Variants in IHO1 observed in about 807,000 individuals in gnomAD.
IHO1 encodes interactor of HORMAD1 protein 1.
IHO1 carries 13 observed loss-of-function variants against 31.0 expected under a neutral mutation model. The ratio of observed to expected loss-of-function variants is 0.42; its 90% confidence interval spans 0.27 to 0.67. IHO1 has a LOEUF of 0.67. Ranked by LOEUF, IHO1 falls within the 30% of genes least tolerant of loss-of-function variation. The probability of loss-of-function intolerance (pLI) is 0.24; values close to 1 mark genes in which losing one functional copy is unlikely to be tolerated. For synonymous variants in IHO1, 221 were observed against 248.4 expected (o/e 0.89, Z 1.04); for missense variants, 599 against 687.5 (o/e 0.87, Z 1.44).
In IHO1 at chr3:49,213,936, G is replaced by A. The variant is rs765102430; in HGVS notation, c.56+2100G>A. The A allele has an allele frequency of 1.0e-4, 42 of 412,254 alleles. No individual in the cohort carries two copies. In the Middle Eastern group the frequency reaches 2.4e-3, roughly 24 times the overall value. The allele number at this position is 412,254 out of a possible 1,614,324, so 25.5% of individuals were successfully genotyped here. On this transcript the variant is annotated intron_variant, in intron 2 of 7. Transcript: ENST00000452691. Reference sequence around the variant, plus strand: ...CTCCTCAAGCATGGCCAGAGTGGACGCCAAGGCCAAGGAAGCTCCGAGAGC... The same window carrying A: ...CTCCTCAAGCATGGCCAGAGTGGACACCAAGGCCAAGGAAGCTCCGAGAGC...
At chr3:49,241,952 T>A (rs2046637367) in intron 4 of IHO1, among the ~76,000 whole-genome samples, 1 of 151,544 alleles carries the variant, frequency 6.6e-6, no homozygotes, top group South Asian at 2.1e-4. Context: ...TTTATTATTA[T>A]TTTTTTCTGA....
chr3:49,201,561 T>C (rs2046069672), intron 1 of IHO1, among the ~76,000 whole-genome samples: 1 of 152,016 alleles, frequency 6.6e-6, no homozygotes, highest in African/African-American at 2.4e-5. Flanking sequence ...AGATGGAGGT[T>C]GCAGTGAGCC....
chr3:49,202,665 C>T (rs555372290), intron 1 of IHO1, among the ~76,000 whole-genome samples: 506 of 151,454 alleles, frequency 3.3e-3, no homozygotes, highest in Non-Finnish European at 4.4e-3. Flanking sequence ...CGTGAACCAC[C>T]GCACCCAGCC....
At chr3:49,200,471 A>AGAAAGAAAGAAAGAAAGAAAG (rs1553615423) in intron 1 of IHO1, 1 of 339,376 alleles carries the variant, frequency 2.9e-6, no homozygotes, top group Non-Finnish European at 3.3e-6. Context: ...TCTCAAAAAA[A>AGAAAGAAAGAAAGAAAGAAAG]AAAAAAAGAA....
chr3:49,191,922 T>C, the IHO1 span: 1 of 742,484 alleles, frequency 1.3e-6, no homozygotes, highest in Non-Finnish European at 2.3e-6. Context: ...GTTGAGACAG[T>C]ACATGACCTG....
chr3:49,221,395 A>G (rs1051582265), intron 2 of IHO1, among the ~76,000 whole-genome samples: 15 of 152,188 alleles, frequency 9.9e-5, no homozygotes, highest in Non-Finnish European at 1.6e-4. Flanking sequence ...TGGTGCATTT[A>G]CAATCCTTTA....
intron 6 of IHO1, among the ~76,000 whole-genome samples, chr3:49,250,297 A>G (rs1163812690): frequency 6.6e-6 from 1 of 152,204 alleles, no homozygotes; most frequent in Non-Finnish European, 1.5e-5. Context: ...AGTTATTTTC[A>G]TAACTAAATT....
intron 2 of IHO1, among the ~76,000 whole-genome samples, chr3:49,229,488 A>G (rs2046457173): frequency 6.6e-6 from 1 of 152,254 alleles, no homozygotes; most frequent in African/African-American, 2.4e-5. Flanking sequence ...AGGAGAGCGC[A>G]TAGCACAACT....
chr3:49,251,627 G>C (rs1034743470), intron 6 of IHO1, among the ~76,000 whole-genome samples: 7 of 150,278 alleles, frequency 4.7e-5, no homozygotes, highest in Non-Finnish European at 1.0e-4. Context: ...TTGAGATGGA[G>C]TTTTGCTTTT....
In IHO1 at chr3:49,216,429, C is replaced by T. The variant is rs139072603; in HGVS notation, c.56+4593C>T. 5.5e-3 allele frequency among the ~76,000 whole-genome samples: 835 copies of T among 152,176 alleles called. 3 individuals are homozygous for T. The highest frequency in any genetic ancestry group is 8.3e-3 in the Non-Finnish European group (567 of 68,014). ...CCAACATGGCGAAACCTTGTCTTTA[C>T]CAAAAAATACAAAAATTAGCCGGGT... On this transcript the variant is annotated intron_variant, in intron 2 of 7. Coordinates refer to ENST00000452691, the MANE Select transcript of IHO1 (RefSeq NM_001135197.2).
At chr3:49,194,175 G>C (rs1168029159), upstream of IHO1, among the ~76,000 whole-genome samples, 1 of 149,596 alleles carries the variant, frequency 6.7e-6, no homozygotes, top group African/African-American at 2.5e-5. Flanking sequence ...GGCTGAGGCA[G>C]GAGAATTGCT....
intron 4 of IHO1, 41 bp downstream of exon 4, chr3:49,241,430 C>G: frequency 6.5e-7 from 1 of 1,536,950 alleles, no homozygotes; most frequent in Non-Finnish European, 8.8e-7. Context: ...CTCACCTTTT[C>G]TGAGTAAAAC....
At chr3:49,244,271 G>T in intron 4 of IHO1, 133 bp from the exon 5 acceptor site, 1 of 642,866 alleles carries the variant, frequency 1.6e-6, no homozygotes, top group Non-Finnish European at 2.7e-6. Flanking sequence ...TCAGGGTCAA[G>T]TCTTCAGATC....
intron 6 of IHO1, chr3:49,245,247 C>T (rs1277976235): frequency 2.5e-5 from 4 of 159,258 alleles, no homozygotes; most frequent in Admixed American, 6.3e-5. Flanking sequence ...AGTGCAGTGG[C>T]GCAATCTCGG....
At chr3:49,246,684 A>G (rs2046699126) in intron 6 of IHO1, among the ~76,000 whole-genome samples, 1 of 152,048 alleles carries the variant, frequency 6.6e-6, no homozygotes, top group South Asian at 2.1e-4. Flanking sequence ...TGGGTGAAGT[A>G]CAAAAAAGGA....
intron 1 of IHO1, among the ~76,000 whole-genome samples, chr3:49,209,304 A>G (rs1404083796): frequency 2.0e-5 from 3 of 152,092 alleles, no homozygotes; most frequent in African/African-American, 2.4e-5. Flanking sequence ...ATGCTGGCAC[A>G]CTGTCAGATA....
intron 1 of IHO1, among the ~76,000 whole-genome samples, chr3:49,207,975 C>T (rs867456573): frequency 2.0e-4 from 31 of 151,744 alleles, no homozygotes; most frequent in Admixed American, 3.3e-4. Context: ...GGTTTCACCA[C>T]GTTAGCCAGG....
chr3:49,203,465 GTGATC>G (rs2046096960), intron 1 of IHO1, among the ~76,000 whole-genome samples: 1 of 152,142 alleles, frequency 6.6e-6, no homozygotes, highest in Non-Finnish European at 1.5e-5. Context: ...GAAGGACTAT[GTGATC>G]TGACTTAAGG....
rs1196622932 is a variant in IHO1, at chr3:49,255,406, G to A, written c.549G>A (p.Gln183=). 3 of 1,602,344 alleles carry A rather than the reference G, an allele frequency of 1.9e-6. No individual in the cohort carries two copies. The highest frequency in any genetic ancestry group is 2.5e-6 in the Non-Finnish European group (3 of 1,176,832). Residue 183 remains glutamine, a synonymous_variant, in exon 7 of 8, where the codon CAG becomes CAA. Transcript: ENST00000452691. ...TGTATTTAGTACAAGAGACTATACA[G>A]GCCCAGAATGACCTGGTGTTTGAGG... ...TVAKTLQETI[Q]AQNDLVFEAV... is the part of the protein sequence containing the mutation.
Sources: allele counts gnomAD v4.1 joint callset (sites outside exome capture counted in the v4.1 genomes callset), GRCh38; gene constraint gnomAD v4.1.1; transcripts MANE v1.5; gene names NCBI Gene and HGNC (gene_info 2026-07-23, HGNC 2026-07-21).